Variants in PER2 observed in about 807,000 individuals in gnomAD.
PER2 encodes period circadian protein homolog 2.
A neutral mutation model predicts 121.0 loss-of-function variants in PER2; 66 were observed. That is an observed-to-expected ratio of 0.55 (90% CI 0.45 to 0.67). PER2 has a LOEUF of 0.67. Among genes scored for constraint, PER2 ranks in the 30% least tolerant of loss-of-function variants. The probability of loss-of-function intolerance (pLI) is 0.00; values close to 1 mark genes in which losing one functional copy is unlikely to be tolerated. For missense variants in PER2, 1,521 were observed against 1,635.0 expected (o/e 0.93, Z 1.20); for synonymous variants, 684 against 659.9 (o/e 1.04, Z -0.56).
At position 238,268,126 on chromosome 2, in the gene PER2, C is replaced by T. The variant is rs1163800602; in HGVS notation, c.897G>A (p.Arg299=). The change falls in exon 8 of 23, where the codon CGG becomes CGA. Residue 299 remains arginine, a synonymous_variant. Transcript: ENST00000254657. This position sits in a 1 kb window ranked among gnomAD's most constrained non-coding sequence, Gnocchi z 4.0. ...GCTGACTCTCAGCACCTTGTTGGTC[C>T]CGCACCTTGACCAGGTAGGGCGTCA... ...FRMTPYLVKV[R]DQQGAESQLC... is the part of the protein sequence containing the mutation. 6.2e-7 allele frequency: 1 copy of T among 1,614,122 alleles called. No individual in the cohort carries two copies. Among genetic ancestry groups the T allele is most frequent in the Non-Finnish European group, 8.5e-7 (1 of 1,179,992 alleles).
chr2:238,278,510 G>C (rs549775190), intron 1 of PER2, among the ~76,000 whole-genome samples: 1 of 152,168 alleles, frequency 6.6e-6, no homozygotes, highest in Non-Finnish European at 1.5e-5. Flanking sequence ...AGCTGCTGAC[G>C]GCCTCATCAG....
rs1158179870 is a variant in PER2, at chr2:238,255,690, G to C, written c.2287C>G (p.Gln763Glu). ...CTTGGCTGCCCCTTGGATCTTTCTT[G>C]CAAGTAGTAATGGCAGTGGGACTGG... Reference protein sequence around the residue: ...IFQSHCHYYLQERSKGQPSER... With the variant: ...IFQSHCHYYLEERSKGQPSER... The change falls in exon 18 of 23, where the codon CAA (glutamine) becomes GAA (glutamate). Residue 763 changes from glutamine to glutamate, a missense_variant. Transcript: ENST00000254657. 1 of 1,614,196 alleles carries C rather than the reference G, an allele frequency of 6.2e-7. No individual in the cohort carries two copies. The highest frequency in any genetic ancestry group is 2.2e-5 in the East Asian group (1 of 44,884).
chr2:238,263,145 G>A, intron 9 of PER2, 87 bp from the exon 10 acceptor site: 1 of 849,508 alleles, frequency 1.2e-6, no homozygotes, highest in Non-Finnish European at 2.0e-6. Flanking sequence ...CCTGGAAAGA[G>A]AAGATACACT....
At chr2:238,249,730 C>T (rs895485314) in intron 21 of PER2, among the ~76,000 whole-genome samples, 2 of 152,176 alleles carry the variant, frequency 1.3e-5, no homozygotes, top group African/African-American at 2.4e-5. Flanking sequence ...ATCATGGGGG[C>T]GGTTCCCCTA....
the PER2 span, among the ~76,000 whole-genome samples, chr2:238,296,977 G>T: frequency 2.6e-5 from 4 of 152,316 alleles, no homozygotes; most frequent in East Asian, 1.9e-4. Flanking sequence ...TCTTCAGCTC[G>T]ATTCCTCTGG....
At chr2:238,279,926 T>C (rs1696579983) in intron 1 of PER2, among the ~76,000 whole-genome samples, 2 of 152,194 alleles carry the variant, frequency 1.3e-5, no homozygotes, top group Non-Finnish European at 2.9e-5. Context: ...AGATCCCTGC[T>C]ACCCCCGGCC....
At chr2:238,295,895 C>A in the PER2 span, 1 of 213,146 alleles carries the variant, frequency 4.7e-6, no homozygotes. Context: ...CTGCTGCCAC[C>A]CACACCCGGG....
In PER2 at chr2:238,245,909, C is replaced by G; in HGVS notation, c.*466G>C. ...TTGGTATGTATAAAAAAACACTCTA[C>G]CTTGACTAAATGATAATTCAGATAA... On this transcript the variant is annotated 3_prime_UTR_variant, in exon 23 of 23. Coordinates refer to ENST00000254657, the MANE Select transcript of PER2 (RefSeq NM_022817.3). The G allele has an allele frequency of 2.9e-6, 1 of 343,780 alleles. No homozygotes were observed. Among genetic ancestry groups the G allele is most frequent in the East Asian group, 4.3e-5 (1 of 23,196 alleles). The allele number at this position is 343,780 out of a possible 1,614,324, so 21.3% of individuals were successfully genotyped here.
chr2:238,271,563 G>A (rs1259395679), intron 5 of PER2, 50 bp from the exon 6 acceptor site: 13 of 1,412,832 alleles, frequency 9.2e-6, no homozygotes, highest in East Asian at 9.1e-5. Flanking sequence ...GGTGTCGGAC[G>A]CCACATCCGA....
upstream of PER2, chr2:238,288,627 C>T (rs1270631070): frequency 3.3e-5 from 5 of 150,690 alleles, no homozygotes; most frequent in South Asian, 1.8e-4. Flanking sequence ...GCAGCGGGGC[C>T]GCGCCGCGCC....
At position 238,271,374 on chromosome 2, in the gene PER2, C is replaced by T. The variant is rs200865805; in HGVS notation, c.710G>A (p.Gly237Asp). 2.0e-5 allele frequency: 33 copies of T among 1,614,100 alleles called. No homozygotes were observed. The highest frequency in any genetic ancestry group is 2.7e-5 in the Non-Finnish European group (32 of 1,180,018). The change falls in exon 6 of 23, where the codon GGC (glycine) becomes GAC (aspartate). Residue 237 changes from glycine (G) to aspartate (D), a missense_variant. Physicochemically the swap from Gly to Asp is moderately conservative, Grantham distance 94. Coordinates refer to ENST00000254657, the MANE Select transcript of PER2 (RefSeq NM_022817.3). ...CGGGGAGGTGAAACTGTGGAACACG[C>T]CCACATCGTGAGGCGCCAGGAACTC... ...FVEFLAPHDV[G>D]VFHSFTSPYK...
chr2:238,288,304 C>G (rs532366181), intron 1 of PER2, 45 bp downstream of exon 1: 1 of 152,258 alleles, frequency 6.6e-6, no homozygotes, highest in Non-Finnish European at 1.5e-5. Context: ...CCGCAGCCCG[C>G]GCGCAGTCAC....
At chr2:238,282,105 A>G (rs775723753) in intron 1 of PER2, among the ~76,000 whole-genome samples, 29 of 152,244 alleles carry the variant, frequency 1.9e-4, no homozygotes, top group Admixed American at 2.6e-4. Flanking sequence ...CTCAGAGCAC[A>G]ATTCTAGTGT....
chr2:238,266,114 AG>A (rs1559330164), intron 8 of PER2, among the ~76,000 whole-genome samples: 2 of 151,890 alleles, frequency 1.3e-5, no homozygotes, highest in African/African-American at 4.8e-5. Context: ...CGTGTTGGCC[AG>A]GATGGTCTCG....
Position 238,245,244 on chromosome 2 carries a change from T to C in PER2, c.*1131A>G, listed in dbSNP as rs1695415948. 1 of 260,128 alleles carries C rather than the reference T, an allele frequency of 3.8e-6. No individual in the cohort carries two copies. Among genetic ancestry groups the C allele is most frequent in the Non-Finnish European group, 7.2e-6 (1 of 138,550 alleles). The allele number at this position is 260,128 out of a possible 1,614,324, so 16.1% of individuals were successfully genotyped here. A position where few individuals can be genotyped will look rare whatever the true frequency, so the allele number is the denominator to read the frequency against. Reference sequence around the variant, plus strand: ...AAAGCCGGGCAGACTGGCCTCACTTTTCCCCAAGTGTCCAAATGACCTAAA... The same window carrying C: ...AAAGCCGGGCAGACTGGCCTCACTTCTCCCCAAGTGTCCAAATGACCTAAA... On this transcript the variant is annotated 3_prime_UTR_variant, in exon 23 of 23. Transcript: ENST00000254657.
chr2:238,252,876 G>T lies in PER2; in HGVS notation c.3111+36C>A. 1 of 1,590,212 alleles carries T rather than the reference G, an allele frequency of 6.3e-7. No individual in the cohort carries two copies. The highest frequency in any genetic ancestry group is 8.6e-7 in the Non-Finnish European group (1 of 1,161,076). ...CGGCCTGCCAGGTGTGCTGTTTGCT[G>T]CCTGCTTTGGGGAAAGAGCATCAGA... is the stretch of plus-strand genomic sequence containing the variant. On this transcript the variant is annotated intron_variant, in intron 19 of 22. Transcript: ENST00000254657. This position sits in a 1 kb window ranked among gnomAD's most constrained non-coding sequence, Gnocchi z 4.2.
chr2:238,248,537 G>C (rs1003888730), intron 22 of PER2, among the ~76,000 whole-genome samples: 59 of 152,168 alleles, frequency 3.9e-4, no homozygotes, highest in African/African-American at 1.4e-3. Context: ...ATTTCAGCAA[G>C]TGACTGAGAT....
At chr2:238,291,134 C>CT (rs1559341066), upstream of PER2, among the ~76,000 whole-genome samples, 1 of 152,230 alleles carries the variant, frequency 6.6e-6, no homozygotes. Flanking sequence ...GGCTAGGAGA[C>CT]AGCTAGTCCT....
Position 238,251,762 on chromosome 2 carries a change from C to T in PER2, c.3112-1G>A, listed in dbSNP as rs1244257561. On this transcript the variant is annotated splice_acceptor_variant, in intron 19 of 22. Coordinates refer to ENST00000254657, the MANE Select transcript of PER2 (RefSeq NM_022817.3). LOFTEE classifies it high-confidence loss of function. ...TCTGTGTGTCTGAGGGTTCATCACG[C>T]TTTAGGGACAGGAAGCAGATACTGC... 7.2e-7 allele frequency: 1 copy of T among 1,389,092 alleles called. No homozygotes were observed. The highest frequency in any genetic ancestry group is 9.6e-7 in the Non-Finnish European group (1 of 1,042,024). The allele number at this position is 1,389,092 out of a possible 1,614,324, so 86.0% of individuals were successfully genotyped here.
Sources: gnomAD v4.1 joint callset for allele counts (sites outside exome capture counted in the v4.1 genomes callset) on GRCh38, gnomAD v4.1.1 for gene constraint, Gnocchi (gnomAD v3.1) non-coding constraint, MANE v1.5 for transcripts, NCBI Gene and HGNC (gene_info 2026-07-23, HGNC 2026-07-21) for gene names.